TMEM131: variants seen among roughly 807,000 people sequenced by gnomAD.
TMEM131 encodes the protein transmembrane protein 131.
A neutral mutation model predicts 211.6 loss-of-function variants in TMEM131; 66 were observed. The observed-to-expected ratio is 0.31, with a 90% CI of 0.26 to 0.38. The LOEUF (loss-of-function observed/expected upper bound fraction) is 0.38. Among genes scored for constraint, TMEM131 ranks in the 10% least tolerant of loss-of-function variants. TMEM131 has a pLI of 1.00. For missense variants in TMEM131, 2,036 were observed against 2,299.3 expected (o/e 0.89, Z 2.34); for synonymous variants, 844 against 841.3 (o/e 1.00, Z -0.06).
intron 2 of TMEM131, among the ~76,000 whole-genome samples, chr2:97,926,330 G>C (rs1404734868): frequency 1.3e-5 from 2 of 152,052 alleles, no homozygotes; most frequent in African/African-American, 4.8e-5. Flanking sequence ...TCTAATCATA[G>C]CATAAGAAAC....
intron 1 of TMEM131, among the ~76,000 whole-genome samples, chr2:97,978,267 A>G (rs1209717823): frequency 2.0e-5 from 3 of 152,180 alleles, no homozygotes; most frequent in Admixed American, 1.3e-4. Flanking sequence ...GACTAAGTTG[A>G]TAATACCCTG....
At chr2:97,764,486 T>G (rs1679058442) in intron 35 of TMEM131, 1 of 152,438 alleles carries the variant, frequency 6.6e-6, no homozygotes, top group African/African-American at 2.4e-5. Context: ...GGAACCAGTG[T>G]AAGGGACTGC....
At chr2:97,758,231 G>C (rs1392274213) in intron 40 of TMEM131, among the ~76,000 whole-genome samples, 1 of 152,192 alleles carries the variant, frequency 6.6e-6, no homozygotes, top group African/African-American at 2.4e-5. Flanking sequence ...ACAACCTTTG[G>C]AATCTGTAAA....
chr2:97,786,150 C>T (rs939034413), intron 31 of TMEM131, among the ~76,000 whole-genome samples: 6 of 152,116 alleles, frequency 3.9e-5, no homozygotes, highest in Non-Finnish European at 5.9e-5. Context: ...AGTGGTTTTG[C>T]AATGTGTTAC....
chr2:97,882,108 C>A (rs537813744), intron 4 of TMEM131, among the ~76,000 whole-genome samples: 14 of 152,208 alleles, frequency 9.2e-5, no homozygotes, highest in Non-Finnish European at 1.5e-4. Flanking sequence ...TAAGCAAATT[C>A]TTTCAACCAT....
At chr2:97,878,161 C>T (rs1573497884) in intron 4 of TMEM131, among the ~76,000 whole-genome samples, 1 of 152,302 alleles carries the variant, frequency 6.6e-6, no homozygotes, top group African/African-American at 2.4e-5. Context: ...TACCATCTCA[C>T]ACCAGTTAGA....
chr2:97,807,932 G>T (rs1050397147), intron 19 of TMEM131, among the ~76,000 whole-genome samples: 1 of 152,166 alleles, frequency 6.6e-6, no homozygotes, highest in Non-Finnish European at 1.5e-5. Flanking sequence ...TTCAAAGTTT[G>T]TATTTTTAAG....
intron 1 of TMEM131, among the ~76,000 whole-genome samples, chr2:97,970,833 G>A (rs1167132659): frequency 2.0e-5 from 3 of 152,124 alleles, no homozygotes; most frequent in Admixed American, 6.5e-5. Context: ...CAAGCAGAAC[G>A]CAGCAGAAGA....
intron 19 of TMEM131, among the ~76,000 whole-genome samples, chr2:97,806,125 G>A (rs1438371685): frequency 6.6e-6 from 1 of 152,066 alleles, no homozygotes. Context: ...AAAGCCAAAG[G>A]GGACAAAATC....
intron 3 of TMEM131, among the ~76,000 whole-genome samples, chr2:97,904,089 G>A (rs1675969972): frequency 6.6e-6 from 1 of 152,092 alleles, no homozygotes; most frequent in Non-Finnish European, 1.5e-5. Flanking sequence ...TTAAATATGA[G>A]GGTCTGAACC....
chr2:97,964,737 C>T (rs1383378995), intron 1 of TMEM131, among the ~76,000 whole-genome samples: 1 of 152,226 alleles, frequency 6.6e-6, no homozygotes, highest in African/African-American at 2.4e-5. Flanking sequence ...ATGCAATCTG[C>T]ATGCACTATT....
Position 97,812,691 on chromosome 2 carries a change from G to A in TMEM131, c.1676C>T (p.Ala559Val), listed in dbSNP as rs1211263389. The change falls in exon 16 of 41, where the codon GCT becomes GTT. Residue 559 changes from alanine to valine, a missense_variant. Ala to Val is a moderately conservative substitution (Grantham distance 64). Transcript: ENST00000186436. ...AAATAAAATATTACTTGCTTCTGTA[G>A]CACTCAGTACTCCAAAATCTATGAA... The part of the protein sequence containing the change: ...ERFIDFGVLS[A>V]TEASNILFAI... The A allele has an allele frequency of 5.6e-6, 9 of 1,602,300 alleles. No individual in the cohort carries two copies. Among genetic ancestry groups the A allele is most frequent in the Admixed American group, 3.5e-5 (2 of 57,086 alleles).
intron 1 of TMEM131, among the ~76,000 whole-genome samples, chr2:97,954,806 C>CAAAAAAAAAAAAAAAAAAAA (rs778680522): frequency 5.4e-5 from 2 of 37,044 alleles, no homozygotes; most frequent in African/African-American, 1.2e-4. Flanking sequence ...AACTCCATCT[C>CAAAAAAAAAAAAAAAAAAAA]AAAAAAAAAA....
intron 8 of TMEM131, among the ~76,000 whole-genome samples, chr2:97,835,896 A>T (rs28624680): frequency 0.035 from 5,315 of 152,298 alleles, 295 homozygotes; most frequent in African/African-American, 0.11. Context: ...CTAGGACTAT[A>T]AAAACATGCT....
At chr2:97,957,172 T>C (rs1452847144) in intron 1 of TMEM131, among the ~76,000 whole-genome samples, 1 of 152,082 alleles carries the variant, frequency 6.6e-6, no homozygotes, top group Non-Finnish European at 1.5e-5. Context: ...TGTGAGACTT[T>C]GTTCACATTT....
intron 11 of TMEM131, among the ~76,000 whole-genome samples, chr2:97,823,210 C>T (rs1682211460): frequency 6.6e-6 from 1 of 152,090 alleles, no homozygotes; most frequent in South Asian, 2.1e-4. Context: ...TTCCCCCACC[C>T]AGAAGGAAAC....
chr2:97,757,013 A>T lies in TMEM131; in HGVS notation c.*86T>A. The stretch of plus-strand genomic sequence containing the variant: ...AGAGGAGGGTGGGGAGGGGAGCTGC[A>T]GTAAGAGCCTTAAAAAGATGTCTCA... On this transcript the variant is annotated 3_prime_UTR_variant, in exon 41 of 41. Transcript: ENST00000186436. 6.9e-7 allele frequency: 1 copy of T among 1,445,734 alleles called. No homozygotes were observed. Among genetic ancestry groups the T allele is most frequent in the Non-Finnish European group, 9.2e-7 (1 of 1,091,510 alleles). 89.6% of individuals were successfully genotyped at this position (1,445,734 alleles called of 1,614,324 possible).
At chr2:97,915,257 C>A (rs1676462671) in intron 2 of TMEM131, among the ~76,000 whole-genome samples, 1 of 152,176 alleles carries the variant, frequency 6.6e-6, no homozygotes, top group Non-Finnish European at 1.5e-5. Flanking sequence ...GTGTGACTTG[C>A]AAATATTTTC....
chr2:97,968,641 G>A (rs1433321589), intron 1 of TMEM131, among the ~76,000 whole-genome samples: 1 of 152,148 alleles, frequency 6.6e-6, no homozygotes, highest in African/African-American at 2.4e-5. Flanking sequence ...CCTGCACAAA[G>A]CAAGAGTGAC....
Sources: gnomAD v4.1 joint callset for allele counts (sites outside exome capture counted in the v4.1 genomes callset) on GRCh38, gnomAD v4.1.1 for gene constraint, MANE v1.5 for transcripts, NCBI Gene and HGNC (gene_info 2026-07-23, HGNC 2026-07-21) for gene names.